The following CNTNAP5 variants were observed in gnomAD, a reference collection of about 807,000 sequenced individuals.
CNTNAP5 encodes the protein contactin-associated protein-like 5.
In CNTNAP5, 72 loss-of-function variants were observed where a neutral mutation model predicts 150.2. That is an observed-to-expected ratio of 0.48 (90% CI 0.40 to 0.58). CNTNAP5 has a LOEUF of 0.58. Among genes scored for constraint, CNTNAP5 ranks in the 20% least tolerant of loss-of-function variants. The pLI is 0.00. For synonymous variants in CNTNAP5, 672 were observed against 619.8 expected (o/e 1.08, Z -1.25); for missense variants, 1,636 against 1,626.2 (o/e 1.01, Z -0.10).
chr2:124,763,843 G>C (rs749461801), intron 15 of CNTNAP5, 44 bp downstream of exon 15: 15 of 1,610,708 alleles, frequency 9.3e-6, no homozygotes, highest in Non-Finnish European at 1.2e-5. Flanking sequence ...CATTACATGA[G>C]CACAAGATGT....
intron 1 of CNTNAP5, among the ~76,000 whole-genome samples, chr2:124,173,302 T>G (rs1684980669): frequency 6.6e-6 from 1 of 152,162 alleles, no homozygotes; most frequent in African/African-American, 2.4e-5. Context: ...AAAGGAAGAT[T>G]TGCACCTCTC....
At chr2:124,186,520 A>G (rs1685335374) in intron 1 of CNTNAP5, among the ~76,000 whole-genome samples, 1 of 152,202 alleles carries the variant, frequency 6.6e-6, no homozygotes, top group African/African-American at 2.4e-5. Flanking sequence ...GTACATGTGT[A>G]TAGTATCAAC....
intron 3 of CNTNAP5, among the ~76,000 whole-genome samples, chr2:124,311,178 T>C (rs1352327894): frequency 1.3e-5 from 2 of 152,188 alleles, no homozygotes; most frequent in East Asian, 3.9e-4. Context: ...TAATAACCTA[T>C]CATTTTTTTC....
chr2:124,660,746 C>T (rs1393698928), intron 13 of CNTNAP5, among the ~76,000 whole-genome samples: 1 of 151,484 alleles, frequency 6.6e-6, no homozygotes, highest in East Asian at 1.9e-4. Flanking sequence ...CTAAACATAC[C>T]TAAATATGAA....
At position 124,884,164 on chromosome 2, in the gene CNTNAP5, A is replaced by G. The variant is rs146270533; in HGVS notation, c.3436+14402A>G. Among the ~76,000 whole-genome samples the G allele has an allele frequency of 1.4e-4, 22 of 152,092 alleles. No individual in the cohort carries two copies. The East Asian group carries it at 2.3e-3, about 16-fold the overall frequency. ...TGTGTATTTGAATATCTGTACATGC[A>G]TGTCTGTATGCATGCACATGTGTAG... On this transcript the variant is annotated intron_variant, in intron 21 of 23. Transcript: ENST00000682447.
intron 20 of CNTNAP5, among the ~76,000 whole-genome samples, chr2:124,868,503 C>T (rs1027096459): frequency 1.3e-5 from 2 of 152,188 alleles, no homozygotes; most frequent in Non-Finnish European, 1.5e-5. Flanking sequence ...AGGTCATTCT[C>T]ATTGAGGCCA....
intron 3 of CNTNAP5, among the ~76,000 whole-genome samples, chr2:124,291,346 A>C (rs1688287793): frequency 6.6e-6 from 1 of 152,108 alleles, no homozygotes; most frequent in African/African-American, 2.4e-5. Flanking sequence ...TACAAGTTTT[A>C]TGATACCTTC....
Position 124,117,765 on chromosome 2 carries a change from C to A in CNTNAP5, c.82+92033C>A, listed in dbSNP as rs540530010. ...CTTAATTAAATACCAATTTAAATTACCAATTCTGAGGCTCCACTTCCAGAA... is the reference window on the plus strand; with the variant it reads ...CTTAATTAAATACCAATTTAAATTAACAATTCTGAGGCTCCACTTCCAGAA... On this transcript the variant is annotated intron_variant, in intron 1 of 23. Coordinates refer to ENST00000682447, the MANE Select transcript of CNTNAP5 (RefSeq NM_001367498.1). Among the ~76,000 whole-genome samples, 145 of 152,270 alleles carry A rather than the reference C, an allele frequency of 9.5e-4. 1 individual carries two copies. The highest frequency in any genetic ancestry group is 5.3e-3 in the Admixed American group (81 of 15,276).
chr2:124,595,828 T>A (rs1419925505), intron 11 of CNTNAP5, among the ~76,000 whole-genome samples: 26 of 138,772 alleles, frequency 1.9e-4, no homozygotes, highest in African/African-American at 6.1e-4. Context: ...CTGTTATTGG[T>A]CTATTCAGAG....
intron 1 of CNTNAP5, among the ~76,000 whole-genome samples, chr2:124,130,332 A>G (rs1439132): frequency 0.43 from 65,532 of 151,492 alleles, 14,552 homozygotes; most frequent in Admixed American, 0.53. Flanking sequence ...TCCCAAACAC[A>G]GTGCCCTGTT....
At chr2:124,343,832 G>T (rs1287155966) in intron 3 of CNTNAP5, among the ~76,000 whole-genome samples, 1 of 152,138 alleles carries the variant, frequency 6.6e-6, no homozygotes, top group African/African-American at 2.4e-5. Context: ...TCGCACTTCT[G>T]CAGGCTGGGA....
chr2:124,143,671 C>A (rs1170793542), intron 1 of CNTNAP5, among the ~76,000 whole-genome samples: 1 of 121,808 alleles, frequency 8.2e-6, no homozygotes, highest in Non-Finnish European at 1.7e-5. Flanking sequence ...TATGACAAAC[C>A]CACAGCCAAT....
chr2:124,111,744 C>G (rs952743095), intron 1 of CNTNAP5, among the ~76,000 whole-genome samples: 1 of 152,212 alleles, frequency 6.6e-6, no homozygotes, highest in African/African-American at 2.4e-5. Context: ...TGTCTTCTTT[C>G]CGGTCCTTCT....
chr2:124,614,088 G>T (rs1412610516), intron 12 of CNTNAP5, among the ~76,000 whole-genome samples: 2 of 152,092 alleles, frequency 1.3e-5, no homozygotes, highest in Non-Finnish European at 2.9e-5. Flanking sequence ...TTACAATAAG[G>T]TTCAGCCAAT....
chr2:124,747,923 C>A (rs1680644730), intron 14 of CNTNAP5, among the ~76,000 whole-genome samples: 1 of 150,922 alleles, frequency 6.6e-6, no homozygotes, highest in South Asian at 2.1e-4. Context: ...AGGCATGAGC[C>A]ACCGCACTTG....
intron 11 of CNTNAP5, among the ~76,000 whole-genome samples, chr2:124,578,156 CAAA>C (rs556786620): frequency 0.22 from 15,266 of 69,246 alleles, 1,024 homozygotes; most frequent in East Asian, 0.45. Flanking sequence ...ACTAAAAATA[CAAA>C]AAAAAAAAAA....
At chr2:124,329,327 G>C (rs1689293077) in intron 3 of CNTNAP5, among the ~76,000 whole-genome samples, 2 of 152,100 alleles carry the variant, frequency 1.3e-5, no homozygotes, top group South Asian at 4.1e-4. Flanking sequence ...TATTTGATAA[G>C]ACTCTTACGA....
At chr2:124,312,684 C>T (rs1688861346) in intron 3 of CNTNAP5, among the ~76,000 whole-genome samples, 1 of 152,234 alleles carries the variant, frequency 6.6e-6, no homozygotes, top group African/African-American at 2.4e-5. Flanking sequence ...CATTCTCCTG[C>T]CTCAGCCTCC....
chr2:124,622,582 C>T (rs1371499316), intron 12 of CNTNAP5, among the ~76,000 whole-genome samples: 1 of 152,080 alleles, frequency 6.6e-6, no homozygotes, highest in Admixed American at 6.6e-5. Flanking sequence ...TTTATACTCC[C>T]ACCGACAGTG....
Sources: gnomAD v4.1 joint callset for allele counts (sites outside exome capture counted in the v4.1 genomes callset) on GRCh38, gnomAD v4.1.1 for gene constraint, MANE v1.5 for transcripts, NCBI Gene and HGNC (gene_info 2026-07-23, HGNC 2026-07-21) for gene names.